The following MAN2A2 variants were observed in gnomAD, a reference collection of about 807,000 sequenced individuals.
MAN2A2 encodes the protein alpha-mannosidase 2x.
In MAN2A2, 79 loss-of-function variants were observed where a neutral mutation model predicts 126.8. The ratio of observed to expected loss-of-function variants is 0.62; its 90% CI spans 0.52 to 0.75. The LOEUF is 0.75. Ranked by LOEUF, MAN2A2 falls within the 30% of genes least tolerant of loss-of-function variation. MAN2A2 has a pLI of 0.00. For synonymous variants in MAN2A2, 671 were observed against 618.7 expected (o/e 1.08, Z -1.25); for missense variants, 1,392 against 1,522.4 (o/e 0.91, Z 1.43).
rs1297814012 is a variant in MAN2A2 at position 90,916,215 on chromosome 15, C to T, written c.2953C>T (p.Arg985Cys). The T allele has an allele frequency of 4.3e-6, 7 of 1,614,056 alleles. No individual in the cohort carries two copies. The highest frequency in any genetic ancestry group is 3.3e-5 in the South Asian group (3 of 91,094). The change falls in exon 20 of 23, where the codon CGT becomes TGT. Residue 985 changes from arginine to cysteine, a missense_variant. Arg to Cys is a radical substitution (Grantham distance 180). Transcript: ENST00000559717. ...CAAGGACAACAAGAGAACCTGCAAC[C>T]GTTTCCGCCTCCTGCTAGAGCGGCG... ...GLKDNKRTCN[R>C]FRLLLERRTV...
Position 90,916,718 on chromosome 15 carries a change from GC to G in MAN2A2, c.2994+465del. ...ACGAGCAAGGTGTAGCTGCGCCAGA[GC>G]CCAGGTGACAGAGCCCGCCACTCAG... On this transcript the variant is annotated intron_variant, in intron 20 of 22. Coordinates refer to ENST00000559717, the MANE Select transcript of MAN2A2 (RefSeq NM_006122.4). The G allele has an allele frequency of 2.4e-6, 3 of 1,243,376 alleles. No homozygotes were observed. In the South Asian group the frequency reaches 3.7e-5, roughly 16 times the overall value. 77.0% of individuals were successfully genotyped at this position (1,243,376 alleles called of 1,614,324 possible). A position where few individuals can be genotyped will look rare whatever the true frequency, so the allele number is the denominator to read the frequency against.
chr15:90,909,910 C>T (rs1360618344), intron 9 of MAN2A2, among the ~76,000 whole-genome samples, 180 bp from the exon 10 acceptor site: 1 of 152,162 alleles, frequency 6.6e-6, no homozygotes, highest in East Asian at 1.9e-4. Context: ...GCCGAAGGTG[C>T]CCCTTTTATG....
At position 90,913,609 on chromosome 15, in the gene MAN2A2, C is replaced by G. The variant is rs374571101; in HGVS notation, c.2719-5C>G. ...GCCCTTGATCTGCTGGCCTTGCCCC[C>G]ACAGGTGCAGCCCCGACGGTATCTG... On this transcript the variant is annotated splice_polypyrimidine_tract_variant and splice_region_variant and intron_variant, in intron 18 of 22. Coordinates refer to ENST00000559717, the MANE Select transcript of MAN2A2 (RefSeq NM_006122.4). The G allele has an allele frequency of 2.6e-4, 416 of 1,608,176 alleles. 1 individual carries two copies. The highest frequency in any genetic ancestry group is 2.0e-3 in the Middle Eastern group (12 of 6,022).
chr15:90,909,579 G>T, intron 9 of MAN2A2, 75 bp downstream of exon 9: 1 of 1,434,094 alleles, frequency 7.0e-7, no homozygotes, highest in South Asian at 1.4e-5. Context: ...CGTGCCCTGG[G>T]TTCCCAACTC....
At chr15:90,904,955 G>A (rs532394405) in intron 2 of MAN2A2, among the ~76,000 whole-genome samples, 2 of 152,260 alleles carry the variant, frequency 1.3e-5, no homozygotes, top group African/African-American at 2.4e-5. Context: ...ATTAAGCCCC[G>A]CTGAAATCCT....
Position 90,906,342 on chromosome 15 carries a change from C to T in MAN2A2, c.708-28C>T, listed in dbSNP as rs756977. On this transcript the variant is annotated intron_variant, in intron 5 of 22. Coordinates refer to ENST00000559717, the MANE Select transcript of MAN2A2 (RefSeq NM_006122.4). Reference sequence around the variant, plus strand: ...CAGGACTGGGCAGAGTGTCCTGCTCCGTCCTGAGTGTGAGTCCTTAACTAT... The same window carrying T: ...CAGGACTGGGCAGAGTGTCCTGCTCTGTCCTGAGTGTGAGTCCTTAACTAT... The T allele has an allele frequency of 3.1e-4, 494 of 1,613,648 alleles. No individual in the cohort carries two copies. The African/African-American group carries it at 4.5e-3, about 15-fold the overall frequency.
intron 19 of MAN2A2, among the ~76,000 whole-genome samples, chr15:90,914,922 C>T (rs2035050562): frequency 6.6e-6 from 1 of 152,216 alleles, no homozygotes; most frequent in Non-Finnish European, 1.5e-5. Context: ...CCCATATCCT[C>T]AGGGCAAAAC....
intron 10 of MAN2A2, 101 bp from the exon 11 acceptor site, chr15:90,910,400 C>A: frequency 6.4e-7 from 1 of 1,564,542 alleles, no homozygotes; most frequent in Non-Finnish European, 8.8e-7. Context: ...GAGGCCAGGG[C>A]AGGTAGAGGA....
intron 20 of MAN2A2, chr15:90,917,923 G>T: frequency 2.4e-6 from 1 of 425,194 alleles, no homozygotes; most frequent in Non-Finnish European, 4.3e-6. Flanking sequence ...TGATGGGAGT[G>T]GGTTGCTCAT....
At chr15:90,912,466 C>T (rs1342811430) in intron 15 of MAN2A2, 76 bp from the exon 16 acceptor site, 2 of 1,596,370 alleles carry the variant, frequency 1.3e-6, no homozygotes, top group Admixed American at 1.8e-5. Flanking sequence ...CTTGGGGAAG[C>T]TATTCCGTGT....
In MAN2A2 at chr15:90,912,251, G is replaced by C. The variant is rs764833276; in HGVS notation, c.2318G>C (p.Trp773Ser). The change falls in exon 15 of 23, where the codon TGG (tryptophan) becomes TCG (serine). Residue 773 changes from tryptophan (W) to serine (S), a missense_variant. Trp to Ser is a radical substitution (Grantham distance 177, BLOSUM62 -3). Coordinates refer to ENST00000559717, the MANE Select transcript of MAN2A2 (RefSeq NM_006122.4). ...CTCAGCAACCGCTACATGCAGGTCTGGTTCTCAGGCCTTACTGGGCTCCTC... is the reference window on the plus strand; with the variant it reads ...CTCAGCAACCGCTACATGCAGGTCTCGTTCTCAGGCCTTACTGGGCTCCTC... The part of the protein sequence containing the change: ...FALSNRYMQV[W>S]FSGLTGLLKS... The C allele has an allele frequency of 1.2e-6, 2 of 1,614,248 alleles. No individual in the cohort carries two copies. The highest frequency in any genetic ancestry group is 2.2e-5 in the South Asian group (2 of 91,092).
At chr15:90,904,374 C>G (rs762324234) in intron 2 of MAN2A2, 35 bp downstream of exon 2, 1 of 1,603,616 alleles carries the variant, frequency 6.2e-7, no homozygotes, top group Non-Finnish European at 8.5e-7. Context: ...TCTTTGTATA[C>G]AAGTCACCTG....
intron 2 of MAN2A2, 140 bp from the exon 3 acceptor site, chr15:90,905,111 C>T (rs1235096733): frequency 9.2e-6 from 8 of 865,894 alleles, no homozygotes; most frequent in African/African-American, 1.7e-5. Flanking sequence ...TGAACGGTGT[C>T]ATCTATCCCT....
Position 90,913,263 on chromosome 15 carries a change from C to T in MAN2A2, c.2585-10C>T. The T allele has an allele frequency of 6.2e-7, 1 of 1,613,352 alleles. No homozygotes were observed. Among genetic ancestry groups the T allele is most frequent in the Non-Finnish European group, 8.5e-7 (1 of 1,179,686 alleles). On this transcript the variant is annotated splice_polypyrimidine_tract_variant and intron_variant, in intron 17 of 22. Transcript: ENST00000559717. ...ACCTGTCCATGCCCCCACTTTGTTC[C>T]TGTACCCAGGGGTGGAGGGGCTGTC...
chr15:90,911,128 T>A (rs2034696514), intron 12 of MAN2A2, 43 bp from the exon 13 acceptor site: 1 of 1,604,514 alleles, frequency 6.2e-7, no homozygotes, highest in Non-Finnish European at 8.5e-7. Flanking sequence ...GGGAGGAGGC[T>A]GAGCCCATGA....
intron 15 of MAN2A2, 79 bp downstream of exon 15, chr15:90,912,358 C>A: frequency 1.3e-6 from 2 of 1,575,988 alleles, no homozygotes; most frequent in Non-Finnish European, 1.7e-6. Flanking sequence ...AGAGCGGCCT[C>A]CCGGCCCTGT....
rs973155171 is a variant in MAN2A2 at position 90,920,758 on chromosome 15, G to A, written c.*971G>A. Reference sequence around the variant, plus strand: ...GGCAGACCTTGAAGCCTCACCTTTAGTCTATCTGCAGAGGTATTCAGTTCC... The same window carrying A: ...GGCAGACCTTGAAGCCTCACCTTTAATCTATCTGCAGAGGTATTCAGTTCC... On this transcript the variant is annotated 3_prime_UTR_variant, in exon 23 of 23. Transcript: ENST00000559717. 9 of 152,384 alleles carry A rather than the reference G, an allele frequency of 5.9e-5. No homozygotes were observed. The highest frequency in any genetic ancestry group is 1.4e-4 in the African/African-American group (6 of 41,568). 9.4% of individuals were successfully genotyped at this position (152,384 alleles called of 1,614,324 possible).
At chr15:90,906,581 G>A (rs905867460) in intron 6 of MAN2A2, 84 bp downstream of exon 6, 1 of 1,603,506 alleles carries the variant, frequency 6.2e-7, no homozygotes. Context: ...ATCGGCAGGG[G>A]GTGGTTCCTT....
intron 1 of MAN2A2, chr15:90,903,960 G>A (rs2151287013): frequency 3.6e-6 from 2 of 555,124 alleles, no homozygotes; most frequent in East Asian, 6.8e-5. Flanking sequence ...CTCTTATCCT[G>A]GGCCCGTTTT....
Sources: gnomAD v4.1 joint callset for allele counts (sites outside exome capture counted in the v4.1 genomes callset) on GRCh38, gnomAD v4.1.1 for gene constraint, MANE v1.5 for transcripts, NCBI Gene and HGNC (gene_info 2026-07-23, HGNC 2026-07-21) for gene names.